The following CFDP1 variants were observed in gnomAD, a reference collection of about 807,000 sequenced individuals.
The protein encoded by CFDP1 is heterochromatin-stabilizing protein CFDP1.
In CFDP1, 31 loss-of-function variants were observed where a neutral mutation model predicts 40.1. The observed-to-expected ratio is 0.77, with a 90% confidence interval of 0.58 to 1.04. The LOEUF is 1.04. CFDP1 is among the 50% of genes least tolerant of loss of function. The probability of loss-of-function intolerance (pLI) is 0.00; values close to 1 mark genes in which losing one functional copy is unlikely to be tolerated. For synonymous variants in CFDP1, 167 were observed against 120.0 expected (o/e 1.39, Z -2.56); for missense variants, 423 against 343.4 (o/e 1.23, Z -1.83).
intron 1 of CFDP1, among the ~76,000 whole-genome samples, chr16:75,429,650 T>C (rs1246424369): frequency 1.3e-5 from 2 of 152,092 alleles, no homozygotes; most frequent in African/African-American, 2.4e-5. Flanking sequence ...CAAGACTCTA[T>C]CTCTAAATAA....
intron 1 of CFDP1, among the ~76,000 whole-genome samples, chr16:75,417,122 G>C (rs1597398804): frequency 6.6e-6 from 1 of 152,068 alleles, no homozygotes; most frequent in African/African-American, 2.4e-5. Context: ...AGTGAGCCAT[G>C]AACACGCTAC....
chr16:75,383,997 C>A, intron 5 of CFDP1, among the ~76,000 whole-genome samples: 1 of 151,980 alleles, frequency 6.6e-6, no homozygotes, highest in African/African-American at 2.4e-5. Flanking sequence ...TTATTCATTC[C>A]GTAACATTTG....
intron 5 of CFDP1, among the ~76,000 whole-genome samples, chr16:75,312,665 C>G (rs1180808106): frequency 6.6e-6 from 1 of 152,074 alleles, no homozygotes; most frequent in Non-Finnish European, 1.5e-5. Flanking sequence ...TACAGAAAGC[C>G]CTTGCCAACC....
chr16:75,330,866 A>T (rs1035202499), intron 5 of CFDP1, among the ~76,000 whole-genome samples: 1 of 151,990 alleles, frequency 6.6e-6, no homozygotes, highest in Non-Finnish European at 1.5e-5. Flanking sequence ...CCCCAAGTAC[A>T]CTGAGTCCAA....
intron 5 of CFDP1, among the ~76,000 whole-genome samples, chr16:75,382,483 G>A (rs2078860633): frequency 6.6e-6 from 1 of 152,202 alleles, no homozygotes; most frequent in African/African-American, 2.4e-5. Context: ...ACACACAGCT[G>A]ATCCAAGTTA....
At chr16:75,350,069 C>T (rs1056705410) in intron 5 of CFDP1, among the ~76,000 whole-genome samples, 1 of 151,960 alleles carries the variant, frequency 6.6e-6, no homozygotes, top group Non-Finnish European at 1.5e-5. Context: ...TCTTAGTTTG[C>T]TAAGTGTACT....
intron 5 of CFDP1, among the ~76,000 whole-genome samples, chr16:75,381,613 C>T (rs750273698): frequency 6.6e-6 from 1 of 152,162 alleles, no homozygotes; most frequent in Non-Finnish European, 1.5e-5. Context: ...AAAGAAGCCT[C>T]AGATTTCTAG....
intron 5 of CFDP1, among the ~76,000 whole-genome samples, chr16:75,325,929 T>C (rs979059646): frequency 6.6e-6 from 1 of 152,224 alleles, no homozygotes; most frequent in East Asian, 1.9e-4. Context: ...GAAATTGTCC[T>C]AGGCTGGCTT....
At chr16:75,398,480 C>T (rs1284191877) in intron 4 of CFDP1, among the ~76,000 whole-genome samples, 1 of 152,126 alleles carries the variant, frequency 6.6e-6, no homozygotes, top group African/African-American at 2.4e-5. Flanking sequence ...GTGGAAGTGG[C>T]ACAACATGAC....
chr16:75,388,416 T>C (rs1423482482), intron 5 of CFDP1, among the ~76,000 whole-genome samples: 1 of 152,166 alleles, frequency 6.6e-6, no homozygotes. Context: ...ATTAACATGG[T>C]CATCAAAGGG....
Position 75,412,086 on chromosome 16 carries a change from G to A in CFDP1, c.403-134C>T, listed in dbSNP as rs1010924691. 2.3e-5 allele frequency: 21 copies of A among 901,336 alleles called. No individual in the cohort carries two copies. In the South Asian group the frequency reaches 2.9e-4, roughly 12 times the overall value. 55.8% of individuals were successfully genotyped at this position (901,336 alleles called of 1,614,324 possible). On this transcript the variant is annotated intron_variant, in intron 3 of 6. Transcript: ENST00000283882. ...GCTGGAGTGCAGTAACACAATCTTG[G>A]CTCACTGCAACCTCCCCACCTCCCA...
At chr16:75,386,034 A>C (rs144852778) in intron 5 of CFDP1, among the ~76,000 whole-genome samples, 52 of 152,304 alleles carry the variant, frequency 3.4e-4, no homozygotes, top group Non-Finnish European at 6.0e-4. Flanking sequence ...CGGCAAAATA[A>C]AGTTTTAAAA....
chr16:75,390,596 T>C (rs1455840083), intron 5 of CFDP1, among the ~76,000 whole-genome samples: 1 of 152,214 alleles, frequency 6.6e-6, no homozygotes, highest in Non-Finnish European at 1.5e-5. Context: ...CCCACTGCAA[T>C]AGTTTTGGAT....
At chr16:75,431,113 C>A (rs780318851) in intron 1 of CFDP1, among the ~76,000 whole-genome samples, 19 of 151,766 alleles carry the variant, frequency 1.3e-4, no homozygotes, top group Non-Finnish European at 2.1e-4. Context: ...GTATAACATA[C>A]GGTTCAGCTG....
intron 5 of CFDP1, among the ~76,000 whole-genome samples, chr16:75,357,449 T>A (rs888599683): frequency 3.3e-5 from 5 of 152,024 alleles, no homozygotes; most frequent in Non-Finnish European, 7.4e-5. Context: ...GAGACGGGGT[T>A]TCACCATATT....
chr16:75,429,195 G>A (rs1283546493), intron 1 of CFDP1, among the ~76,000 whole-genome samples: 1 of 152,162 alleles, frequency 6.6e-6, no homozygotes, highest in Non-Finnish European at 1.5e-5. Context: ...TATACATTGA[G>A]CAGAAATCAG....
intron 6 of CFDP1, among the ~76,000 whole-genome samples, chr16:75,294,393 T>C (rs2078167080): frequency 6.6e-6 from 1 of 152,178 alleles, no homozygotes; most frequent in African/African-American, 2.4e-5. Context: ...GGAATGAACA[T>C]CTTTGAGCCT....
At chr16:75,347,359 A>AAAAAAAAAAG (rs1555556963) in intron 5 of CFDP1, among the ~76,000 whole-genome samples, 29 of 53,674 alleles carry the variant, frequency 5.4e-4, no homozygotes, top group Non-Finnish European at 8.3e-4. Context: ...AAAAAAAAAA[A>AAAAAAAAAAG]AAAAAGAAAA....
intron 6 of CFDP1, among the ~76,000 whole-genome samples, chr16:75,295,869 T>C (rs76311537): frequency 0.015 from 2,360 of 152,264 alleles, 58 homozygotes; most frequent in African/African-American, 0.053. Context: ...TGTAGACATC[T>C]AACAACAAAC....
Sources: gnomAD v4.1 joint callset for allele counts (sites outside exome capture counted in the v4.1 genomes callset) on GRCh38, gnomAD v4.1.1 for gene constraint, MANE v1.5 for transcripts, NCBI Gene and HGNC (gene_info 2026-07-23, HGNC 2026-07-21) for gene names.